Variants in TMEM80 observed in about 807,000 individuals in gnomAD.
TMEM80 encodes transmembrane protein 80.
In TMEM80, 16 loss-of-function variants were observed where a neutral mutation model predicts 13.6. The observed-to-expected ratio is 1.17, with a 90% CI of 0.79 to 1.78. The LOEUF (loss-of-function observed/expected upper bound fraction) is 1.78, where lower values mean the gene tolerates loss of function less well. Among genes scored for constraint, TMEM80 ranks in the 40% most tolerant of loss-of-function variants. The pLI is 0.00. For missense variants in TMEM80, 167 were observed against 184.6 expected, an observed-to-expected ratio of 0.90 and a Z score of 0.55; for synonymous variants, 92 against 89.5, an observed-to-expected ratio of 1.03 and a Z score of -0.16.
In TMEM80 at chr11:700,219, G is replaced by A. The variant is rs1431589221; in HGVS notation, c.117G>A (p.Leu39=). Residue 39 remains leucine, a synonymous_variant, in exon 3 of 5, where the codon CTG becomes CTA. Transcript: ENST00000397510. ...CCCTGTATTTCCTCGCCACGCTCCT[G>A]ATGATCACGTATAAAAGTAAGTCAG... is the stretch of plus-strand genomic sequence containing the variant. The part of the protein sequence containing the change: ...YYALYFLATL[L]MITYKSQVFS... The A allele has an allele frequency of 1.7e-5, 27 of 1,613,730 alleles. No individual in the cohort carries two copies. In the Admixed American group the frequency reaches 2.7e-4, roughly 16 times the overall value.
At position 703,046 on chromosome 11, in the gene TMEM80, G is replaced by A. The variant is rs2133476864; in HGVS notation, c.328G>A (p.Ala110Thr). ...CTCTGCCCACTTCCTGCTTTGGCAG[G>A]CCCTAGTGTTGTGGGCGGACTGGGC... is the stretch of plus-strand genomic sequence containing the variant. ...LLSAHFLLWQ[A>T]LVLWADWALS... Residue 110 changes from alanine to threonine, a missense_variant, in exon 5 of 5, where the codon GCC becomes ACC. Transcript: ENST00000397510. 6.2e-7 allele frequency: 1 copy of A among 1,612,820 alleles called. No individual in the cohort carries two copies. The highest frequency in any genetic ancestry group is 1.1e-5 in the South Asian group (1 of 91,050).
chr11:696,661 G>C (rs1564959193), intron 1 of TMEM80, among the ~76,000 whole-genome samples: 1 of 150,044 alleles, frequency 6.7e-6, no homozygotes, highest in Non-Finnish European at 1.5e-5. Context: ...AGCTATTCTG[G>C]AGGCTGAGGC....
At chr11:702,617 A>G (rs1358064227) in intron 4 of TMEM80, among the ~76,000 whole-genome samples, 1 of 152,280 alleles carries the variant, frequency 6.6e-6, no homozygotes, top group African/African-American at 2.4e-5. Context: ...ACTTGGAATT[A>G]GGAAAACGTG....
chr11:697,210 G>A (rs1053058000), intron 1 of TMEM80, among the ~76,000 whole-genome samples: 2 of 151,456 alleles, frequency 1.3e-5, no homozygotes, highest in Admixed American at 1.3e-4. Flanking sequence ...GCTGTGATCA[G>A]GCCACTGCAC....
At chr11:695,639 C>T, upstream of TMEM80, 2 of 1,245,104 alleles carry the variant, frequency 1.6e-6, no homozygotes, top group Non-Finnish European at 2.0e-6. Flanking sequence ...TCCACCTCTT[C>T]CCTTCCGAAA....
At chr11:701,725 T>C (rs1861506372) in intron 4 of TMEM80, among the ~76,000 whole-genome samples, 1 of 152,186 alleles carries the variant, frequency 6.6e-6, no homozygotes, top group Admixed American at 6.5e-5. Flanking sequence ...AGGGTTTCGC[T>C]ATGTTACCCT....
At position 703,245 on chromosome 11, in the gene TMEM80, C is replaced by T; in HGVS notation, c.*95C>T. 6.8e-7 allele frequency: 1 copy of T among 1,460,902 alleles called. No homozygotes were observed. The highest frequency in any genetic ancestry group is 9.1e-7 in the Non-Finnish European group (1 of 1,100,110). 90.5% of individuals were successfully genotyped at this position (1,460,902 alleles called of 1,614,324 possible). On this transcript the variant is annotated 3_prime_UTR_variant, in exon 5 of 5. Transcript: ENST00000397510. ...TCCCCATTCCTGGACAGGAAGGGCA[C>T]TTTTCCTAGTGACTGGCCATAGATG...
intron 1 of TMEM80, among the ~76,000 whole-genome samples, chr11:696,854 C>T (rs113741963): frequency 0.057 from 8,698 of 151,770 alleles, 385 homozygotes; most frequent in East Asian, 0.16. Context: ...CCAAAGCGGG[C>T]GGATCACCTG....
chr11:703,155 G>C lies in TMEM80; in HGVS notation c.*5G>C. 1 of 1,599,354 alleles carries C rather than the reference G, an allele frequency of 6.3e-7. No individual in the cohort carries two copies. The highest frequency in any genetic ancestry group is 1.7e-4 in the Middle Eastern group (1 of 6,014). ...ATCGCGGCCTTCACCAGGTAGCTAC[G>C]GACACCCGGGATACCCCACACTGGG... On this transcript the variant is annotated 3_prime_UTR_variant, in exon 5 of 5. Transcript: ENST00000397510.
At chr11:704,501 G>C, downstream of TMEM80, 1 of 1,289,212 alleles carries the variant, frequency 7.8e-7, no homozygotes, top group South Asian at 1.2e-5. Context: ...GCGCCTGAGC[G>C]CCTCGGGCCA....
At chr11:696,521 G>GT (rs1415803002) in intron 1 of TMEM80, among the ~76,000 whole-genome samples, 1 of 152,242 alleles carries the variant, frequency 6.6e-6, no homozygotes. Flanking sequence ...GCTCAGGCCT[G>GT]TAAGCCTGAC....
At position 703,537 on chromosome 11, in the gene TMEM80, C is replaced by T; in HGVS notation, c.*387C>T. On this transcript the variant is annotated 3_prime_UTR_variant, in exon 5 of 5. Transcript: ENST00000397510. The stretch of plus-strand genomic sequence containing the variant: ...CAGAGGCCTCATCTCACTGCATCCC[C>T]CATCACCCCCTAGTTCCCCAATGGT... 2 of 1,235,052 alleles carry T rather than the reference C, an allele frequency of 1.6e-6. No homozygotes were observed. Among genetic ancestry groups the T allele is most frequent in the Non-Finnish European group, 2.0e-6 (2 of 990,230 alleles). The allele number at this position is 1,235,052 out of a possible 1,614,324, so 76.5% of individuals were successfully genotyped here. A position where few individuals can be genotyped will look rare whatever the true frequency, so the allele number is the denominator to read the frequency against.
At chr11:701,042 T>G in intron 4 of TMEM80, 1 of 378,084 alleles carries the variant, frequency 2.6e-6, no homozygotes, top group Non-Finnish European at 5.0e-6. Flanking sequence ...ACCCCTTTCC[T>G]TCCCCTTGCC....
Position 703,787 on chromosome 11 carries a change from C to A in TMEM80, c.*637C>A. ...CCTAGCAATTTCCATCTTAGCCACA[C>A]TTCTCCCTTCAGGGGCTTCGGAGGA... On this transcript the variant is annotated 3_prime_UTR_variant, in exon 5 of 5. Transcript: ENST00000397510. 8.1e-7 allele frequency: 1 copy of A among 1,233,212 alleles called. No individual in the cohort carries two copies. The highest frequency in any genetic ancestry group is 1.0e-6 in the Non-Finnish European group (1 of 989,102). 76.4% of individuals were successfully genotyped at this position (1,233,212 alleles called of 1,614,324 possible).
chr11:702,252 C>A (rs983976142), intron 4 of TMEM80, among the ~76,000 whole-genome samples: 5 of 152,250 alleles, frequency 3.3e-5, no homozygotes, highest in Non-Finnish European at 7.3e-5. Flanking sequence ...TCTGCACTTA[C>A]GTCCCAGAAC....
At chr11:700,990 C>G (rs1009310294) in intron 4 of TMEM80, 10 of 458,104 alleles carry the variant, frequency 2.2e-5, no homozygotes, top group African/African-American at 1.6e-4. Flanking sequence ...TCAGAAAAGC[C>G]CAGCCCACCA....
intron 4 of TMEM80, chr11:701,093 G>C (rs1333728546): frequency 1.3e-5 from 3 of 238,312 alleles, no homozygotes; most frequent in Non-Finnish European, 2.5e-5. Flanking sequence ...GTTCTGCCAG[G>C]TCCCAAAAGG....
In TMEM80 at chr11:700,710, G is replaced by A. The variant is rs994797243; in HGVS notation, c.226+3G>A. On this transcript the variant is annotated splice_donor_region_variant and intron_variant, in intron 4 of 4. Transcript: ENST00000397510. ...AGAAGCAGTTCGGTTATACCTGGGTGAGTGGACTGTTAACACCGTGAAGAA... is the reference window on the plus strand; with the variant it reads ...AGAAGCAGTTCGGTTATACCTGGGTAAGTGGACTGTTAACACCGTGAAGAA... 6.2e-7 allele frequency: 1 copy of A among 1,613,002 alleles called. No individual in the cohort carries two copies.
intron 4 of TMEM80, chr11:701,046 C>T (rs1234108948): frequency 1.3e-5 from 5 of 374,122 alleles, no homozygotes; most frequent in Non-Finnish European, 2.5e-5. Flanking sequence ...CTTTCCTTCC[C>T]CTTGCCCTTA....
Sources: gnomAD v4.1 joint callset for allele counts (sites outside exome capture counted in the v4.1 genomes callset) on GRCh38, gnomAD v4.1.1 for gene constraint, MANE v1.5 for transcripts, NCBI Gene and HGNC (gene_info 2026-07-23, HGNC 2026-07-21) for gene names.